Variants in TENM2 observed in about 807,000 individuals in gnomAD.
TENM2 encodes teneurin-2.
TENM2 carries 52 observed loss-of-function variants against 245.2 expected under a neutral mutation model. That is an observed-to-expected ratio of 0.21 (90% CI 0.17 to 0.27). The LOEUF (loss-of-function observed/expected upper bound fraction) is 0.27, where lower values mean the gene tolerates loss of function less well. Ranked by LOEUF, TENM2 falls within the 10% of genes least tolerant of loss-of-function variation. The pLI is 1.00. For synonymous variants in TENM2, 1,363 were observed against 1,438.9 expected, an observed-to-expected ratio of 0.95 and a Z score of 1.19; for missense variants, 3,046 against 3,666.8, an observed-to-expected ratio of 0.83 and a Z score of 4.37.
At chr5:167,146,501 G>T in the TENM2 span, among the ~76,000 whole-genome samples, 1 of 152,120 alleles carries the variant, frequency 6.6e-6, no homozygotes, top group Admixed American at 6.5e-5. Flanking sequence ...CGACAGAGGA[G>T]TTTACCAAGT....
At chr5:167,276,414 A>G in the TENM2 span, among the ~76,000 whole-genome samples, 1 of 150,206 alleles carries the variant, frequency 6.7e-6, no homozygotes, top group African/African-American at 2.5e-5. Flanking sequence ...GAGAGTTGTG[A>G]CATTATAAAT....
chr5:168,262,543 C>A (rs753300474), exon 29 of TENM2: 17 of 1,557,718 alleles, frequency 1.1e-5, no homozygotes, highest in Non-Finnish European at 1.5e-5. Flanking sequence ...TCACCCCCGA[C>A]ACCCTGGACG....
intron 2 of TENM2, among the ~76,000 whole-genome samples, chr5:167,810,794 C>T (rs1252445887): frequency 6.6e-6 from 1 of 152,102 alleles, no homozygotes; most frequent in Non-Finnish European, 1.5e-5. Flanking sequence ...CAAGCAGCTC[C>T]TTGAAGAACT....
chr5:167,051,019 T>TC, the TENM2 span, among the ~76,000 whole-genome samples: 1 of 152,148 alleles, frequency 6.6e-6, no homozygotes, highest in African/African-American at 2.4e-5. Flanking sequence ...CTGGCACTTT[T>TC]CCCCCTGTGG....
At chr5:168,027,721 G>C (rs761648637) in intron 5 of TENM2, among the ~76,000 whole-genome samples, 33 of 152,202 alleles carry the variant, frequency 2.2e-4, no homozygotes, top group African/African-American at 7.7e-4. Flanking sequence ...TCAGCTTTGC[G>C]TGGCCCTATC....
chr5:167,523,033 G>C (rs965305350), intron 2 of TENM2, among the ~76,000 whole-genome samples: 6 of 152,118 alleles, frequency 3.9e-5, no homozygotes, highest in Admixed American at 3.9e-4. Context: ...TCCTTGGCTT[G>C]TGGGCCCATC....
At chr5:168,130,262 G>C (rs768941933) in intron 12 of TENM2, 1 of 152,112 alleles carries the variant, frequency 6.6e-6, no homozygotes, top group Non-Finnish European at 1.5e-5. Context: ...TTAAATATAA[G>C]GTATAAGACT....
intron 2 of TENM2, among the ~76,000 whole-genome samples, chr5:167,875,781 T>A (rs1224794005): frequency 1.3e-5 from 2 of 152,182 alleles, no homozygotes; most frequent in African/African-American, 4.8e-5. Context: ...CATGTCCTTT[T>A]TCTGAAATAT....
intron 2 of TENM2, among the ~76,000 whole-genome samples, chr5:167,396,518 G>C (rs1187533733): frequency 1.3e-5 from 2 of 152,144 alleles, no homozygotes; most frequent in Non-Finnish European, 2.9e-5. Context: ...GCAAGAATAA[G>C]AGGTAATGTG....
At chr5:167,783,673 G>A (rs1002309412) in intron 2 of TENM2, among the ~76,000 whole-genome samples, 1 of 152,142 alleles carries the variant, frequency 6.6e-6, no homozygotes, top group Admixed American at 6.5e-5. Context: ...CTGAGAACTA[G>A]TAGAGGCAAG....
At chr5:167,541,218 A>G (rs1029191706) in intron 2 of TENM2, among the ~76,000 whole-genome samples, 1 of 152,200 alleles carries the variant, frequency 6.6e-6, no homozygotes, top group Non-Finnish European at 1.5e-5. Flanking sequence ...TTGTTAATGC[A>G]AGTTTCAATG....
In TENM2 at chr5:168,262,031, G is replaced by A. The variant is rs780008113; in HGVS notation, c.7564-18G>A. The A allele has an allele frequency of 1.9e-6, 3 of 1,604,434 alleles. No homozygotes were observed. The highest frequency in any genetic ancestry group is 1.7e-5 in the Admixed American group (1 of 59,166). The stretch of plus-strand genomic sequence containing the variant: ...CCAGCTCATCTTCTCAGCTTTCTCT[G>A]TTTTCTTATCCCCACAGCTCATTAC... On this transcript the variant is annotated intron_variant, in intron 28 of 28. Transcript: ENST00000518659.
chr5:167,054,940 A>G, the TENM2 span, among the ~76,000 whole-genome samples: 71 of 152,106 alleles, frequency 4.7e-4, no homozygotes, highest in African/African-American at 1.6e-3. Context: ...CCTTTATCCT[A>G]TCTGTCTTTT....
chr5:167,812,706 C>T (rs757170113), intron 2 of TENM2, among the ~76,000 whole-genome samples: 59 of 152,296 alleles, frequency 3.9e-4, no homozygotes, highest in Non-Finnish European at 4.7e-4. Flanking sequence ...TCCAGGCTTG[C>T]GCCTGAGGAT....
At chr5:167,039,941 C>T in the TENM2 span, among the ~76,000 whole-genome samples, 2 of 152,132 alleles carry the variant, frequency 1.3e-5, no homozygotes, top group African/African-American at 4.8e-5. Context: ...CATTGTGGGG[C>T]TTAGTCCTCA....
At chr5:167,152,555 G>A in the TENM2 span, among the ~76,000 whole-genome samples, 1 of 152,100 alleles carries the variant, frequency 6.6e-6, no homozygotes, top group African/African-American at 2.4e-5. Context: ...CTGTAGTCCA[G>A]GATAAATAGA....
chr5:167,490,961 A>C (rs1378124882), intron 2 of TENM2, among the ~76,000 whole-genome samples: 1 of 152,120 alleles, frequency 6.6e-6, no homozygotes, highest in Admixed American at 6.5e-5. Flanking sequence ...ATTTATCAGA[A>C]TCTTCAGGAT....
At chr5:168,140,585 A>G (rs535965712) in intron 12 of TENM2, among the ~76,000 whole-genome samples, 1 of 152,286 alleles carries the variant, frequency 6.6e-6, no homozygotes, top group East Asian at 1.9e-4. Context: ...TAGCATACCC[A>G]GCCCGGTACA....
At chr5:168,026,500 C>T (rs1458686324) in intron 5 of TENM2, among the ~76,000 whole-genome samples, 1 of 152,136 alleles carries the variant, frequency 6.6e-6, no homozygotes, top group Middle Eastern at 3.2e-3. Flanking sequence ...GATTTGTCAT[C>T]AGAGGCACTT....
Sources: allele counts gnomAD v4.1 joint callset (sites outside exome capture counted in the v4.1 genomes callset), GRCh38; gene constraint gnomAD v4.1.1; transcripts MANE v1.5; gene names NCBI Gene and HGNC (gene_info 2026-07-23, HGNC 2026-07-21).